AP5M1: variants seen among roughly 807,000 people sequenced by gnomAD.
AP5M1 encodes adaptor related protein complex 5 subunit mu 1, also known as AP-5 complex subunit mu-1.
AP5M1 carries 44 observed loss-of-function variants against 52.3 expected under a neutral mutation model. The ratio of observed to expected loss-of-function variants is 0.84; its 90% CI spans 0.66 to 1.08. The LOEUF (loss-of-function observed/expected upper bound fraction) is 1.08, where lower values mean the gene tolerates loss of function less well. Ranked by LOEUF, AP5M1 falls within the 50% of genes least tolerant of loss-of-function variation. The pLI is 0.00. For synonymous variants in AP5M1, 213 were observed against 199.0 expected (o/e 1.07, Z -0.59); for missense variants, 526 against 568.4 (o/e 0.93, Z 0.76).
intron 7 of AP5M1, chr14:57,286,629 G>A: frequency 4.8e-6 from 1 of 206,466 alleles, no homozygotes; most frequent in Non-Finnish European, 9.7e-6. Context: ...GACAGACAGG[G>A]CTTAAGCCTG....
In AP5M1 at chr14:57,269,202, C is replaced by A; in HGVS notation, c.-113C>A. The A allele has an allele frequency of 2.0e-6, 2 of 1,003,804 alleles. No individual in the cohort carries two copies. The highest frequency in any genetic ancestry group is 3.0e-6 in the Non-Finnish European group (2 of 661,220). 62.2% of individuals were successfully genotyped at this position (1,003,804 alleles called of 1,614,324 possible). A position where few individuals can be genotyped will look rare whatever the true frequency, so the allele number is the denominator to read the frequency against. ...TCTGCTGAGCGCGACCGGTATGCGG[C>A]GCAGGATGAGCCTCAGGGCTTCTGT... On this transcript the variant is annotated 5_prime_UTR_variant, in exon 1 of 8. Coordinates refer to ENST00000261558, the MANE Select transcript of AP5M1 (RefSeq NM_018229.4).
chr14:57,273,604 TA>T, intron 1 of AP5M1: 1 of 603,740 alleles, frequency 1.7e-6, no homozygotes, highest in South Asian at 2.1e-5. Context: ...CAACTCAGAA[TA>T]TGCAAAAACA....
At position 57,274,753 on chromosome 14, in the gene AP5M1, AGC is replaced by A; in HGVS notation, c.585_586del (p.Gln195HisfsTer20). 6.2e-7 allele frequency: 1 copy of A among 1,614,218 alleles called. No homozygotes were observed. The highest frequency in any genetic ancestry group is 8.5e-7 in the Non-Finnish European group (1 of 1,180,024). On this transcript the variant is annotated frameshift_variant, in exon 2 of 8. Transcript: ENST00000261558. LOFTEE classifies it high-confidence loss of function. ...GCATCTGTGACTCAGCCACAGAAAC[AGC>A]CAGCTTGGAAAACTGGGACGTACAA...
rs2139701128 is a variant in AP5M1 at position 57,291,680 on chromosome 14, A to G, written c.*2796A>G. 1 of 151,942 alleles carries G rather than the reference A, an allele frequency of 6.6e-6. No homozygotes were observed. The highest frequency in any genetic ancestry group is 1.5e-5 in the Non-Finnish European group (1 of 67,834). The allele number at this position is 151,942 out of a possible 1,614,324, so 9.4% of individuals were successfully genotyped here. A position where few individuals can be genotyped will look rare whatever the true frequency, so the allele number is the denominator to read the frequency against. On this transcript the variant is annotated 3_prime_UTR_variant, in exon 8 of 8. Coordinates refer to ENST00000261558, the MANE Select transcript of AP5M1 (RefSeq NM_018229.4). The stretch of plus-strand genomic sequence containing the variant: ...AATCGTTTTCATTTTTTTCACACCA[A>G]TTCAGTATTTCTACTAGGTTAAAAT...
chr14:57,275,104 C>T, intron 2 of AP5M1: 1 of 579,064 alleles, frequency 1.7e-6, no homozygotes, highest in Non-Finnish European at 3.0e-6. Context: ...TCATTGTCCC[C>T]AAAATAGACA....
Position 57,283,962 on chromosome 14 carries a change from G to C in AP5M1, c.1293+732G>C, listed in dbSNP as rs554496304. On this transcript the variant is annotated intron_variant, in intron 6 of 7. Transcript: ENST00000261558. ...TGATTGTGCCACTGCATTCCAGCCT[G>C]GGCGATAGAGTAAGACTCTGTCTCA... is the stretch of plus-strand genomic sequence containing the variant. 2.0e-5 allele frequency among the ~76,000 whole-genome samples: 3 copies of C among 152,296 alleles called. No individual in the cohort carries two copies. In the East Asian group the frequency reaches 5.8e-4, roughly 29 times the overall value.
intron 2 of AP5M1, among the ~76,000 whole-genome samples, chr14:57,279,726 A>C (rs1299293151): frequency 6.6e-6 from 1 of 152,210 alleles, no homozygotes; most frequent in Non-Finnish European, 1.5e-5. Context: ...ACAGTCAAAC[A>C]ATGAAAGGCT....
chr14:57,291,747 G>A lies in AP5M1; in HGVS notation c.*2863G>A, dbSNP rs1404822186. 1 of 151,624 alleles carries A rather than the reference G, an allele frequency of 6.6e-6. No homozygotes were observed. Among genetic ancestry groups the A allele is most frequent in the African/African-American group, 2.4e-5 (1 of 41,302 alleles). 9.4% of individuals were successfully genotyped at this position (151,624 alleles called of 1,614,324 possible). A position where few individuals can be genotyped will look rare whatever the true frequency, so the allele number is the denominator to read the frequency against. ...ATTGTATGATTTAAGATCTTTCAAG[G>A]CAGACATTTATACTTGGTAACAATT... On this transcript the variant is annotated 3_prime_UTR_variant, in exon 8 of 8. Transcript: ENST00000261558.
chr14:57,289,079 G>GT lies in AP5M1; in HGVS notation c.*197dup, dbSNP rs1030503989. 4 of 372,468 alleles carry GT rather than the reference G, an allele frequency of 1.1e-5. No homozygotes were observed. The highest frequency in any genetic ancestry group is 4.9e-5 in the Admixed American group (1 of 20,354). The allele number at this position is 372,468 out of a possible 1,614,324, so 23.1% of individuals were successfully genotyped here. ...TTTAAAAGCTAATGTCTCCAATTTT[G>GT]TTAACCTTCGATTTTATGCCAGTAT... On this transcript the variant is annotated 3_prime_UTR_variant, in exon 8 of 8. Coordinates refer to ENST00000261558, the MANE Select transcript of AP5M1 (RefSeq NM_018229.4).
intron 1 of AP5M1, 132 bp downstream of exon 1, chr14:57,269,520 C>T (rs878887169): frequency 1.3e-6 from 1 of 745,254 alleles, no homozygotes; most frequent in Admixed American, 2.4e-5. Flanking sequence ...TAACAGACCT[C>T]TGTTTCGTCT....
chr14:57,289,089 G>A lies in AP5M1; in HGVS notation c.*205G>A, dbSNP rs1374320075. 2.2e-5 allele frequency: 8 copies of A among 367,160 alleles called. No individual in the cohort carries two copies. Among genetic ancestry groups the A allele is most frequent in the Non-Finnish European group, 3.4e-5 (7 of 203,322 alleles). The allele number at this position is 367,160 out of a possible 1,614,324, so 22.7% of individuals were successfully genotyped here. ...AATGTCTCCAATTTTGTTAACCTTC[G>A]ATTTTATGCCAGTATAATTCAGAAC... is the stretch of plus-strand genomic sequence containing the variant. On this transcript the variant is annotated 3_prime_UTR_variant, in exon 8 of 8. Transcript: ENST00000261558.
At position 57,288,944 on chromosome 14, in the gene AP5M1, A is replaced by G. The variant is rs560451800; in HGVS notation, c.*60A>G. ...ACAGTTTAAAGAAAATCATAATCTT[A>G]TATTTTTAATGTGGATGCATATAAC... On this transcript the variant is annotated 3_prime_UTR_variant, in exon 8 of 8. Coordinates refer to ENST00000261558, the MANE Select transcript of AP5M1 (RefSeq NM_018229.4). 1.3e-5 allele frequency: 14 copies of G among 1,055,002 alleles called. No homozygotes were observed. In the South Asian group the frequency reaches 1.6e-4, roughly 12 times the overall value. 65.4% of individuals were successfully genotyped at this position (1,055,002 alleles called of 1,614,324 possible).
chr14:57,273,960 T>G (rs1225965333), intron 1 of AP5M1, among the ~76,000 whole-genome samples: 1 of 152,188 alleles, frequency 6.6e-6, no homozygotes, highest in Non-Finnish European at 1.5e-5. Context: ...GAGACACGGA[T>G]TTTGAATTAC....
At chr14:57,271,508 C>T (rs950765627) in intron 1 of AP5M1, 1 of 152,136 alleles carries the variant, frequency 6.6e-6, no homozygotes, top group African/African-American at 2.4e-5. Context: ...CATGTCTTGT[C>T]CTTTTTTTCT....
At chr14:57,276,824 GA>G (rs1159908277) in intron 2 of AP5M1, among the ~76,000 whole-genome samples, 1 of 152,120 alleles carries the variant, frequency 6.6e-6, no homozygotes, top group Non-Finnish European at 1.5e-5. Flanking sequence ...TAAGTGGGGA[GA>G]AAATGGGGCT....
In AP5M1 at chr14:57,293,084, T is replaced by C. The variant is rs990527584; in HGVS notation, c.*4200T>C. The C allele has an allele frequency of 3.3e-5, 5 of 151,746 alleles. No homozygotes were observed. Among genetic ancestry groups the C allele is most frequent in the African/African-American group, 1.2e-4 (5 of 41,384 alleles). 9.4% of individuals were successfully genotyped at this position (151,746 alleles called of 1,614,324 possible). A position where few individuals can be genotyped will look rare whatever the true frequency, so the allele number is the denominator to read the frequency against. On this transcript the variant is annotated 3_prime_UTR_variant, in exon 8 of 8. Coordinates refer to ENST00000261558, the MANE Select transcript of AP5M1 (RefSeq NM_018229.4). The stretch of plus-strand genomic sequence containing the variant: ...CATAATTTTAAATTTTGAAATATTA[T>C]ATGGAATTTTGCACAGTATTTTGAG...
intron 1 of AP5M1, among the ~76,000 whole-genome samples, chr14:57,271,961 A>G (rs185771613): frequency 7.2e-4 from 110 of 152,356 alleles, no homozygotes; most frequent in African/African-American, 2.4e-3. Context: ...GTCCCCTCAT[A>G]TAAATGTTGG....
intron 2 of AP5M1, among the ~76,000 whole-genome samples, chr14:57,275,730 G>A (rs888262873): frequency 1.3e-5 from 2 of 152,160 alleles, no homozygotes; most frequent in Non-Finnish European, 2.9e-5. Flanking sequence ...AAATCATGTT[G>A]AAGGGCTCTT....
intron 4 of AP5M1, 60 bp from the exon 5 acceptor site, chr14:57,282,874 A>G: frequency 8.5e-7 from 1 of 1,178,644 alleles, no homozygotes; most frequent in South Asian, 1.5e-5. Context: ...AGTTTGACTT[A>G]GATCTCTTAA....
Sources: gnomAD v4.1 joint callset for allele counts (sites outside exome capture counted in the v4.1 genomes callset) on GRCh38, gnomAD v4.1.1 for gene constraint, MANE v1.5 for transcripts, NCBI Gene and HGNC (gene_info 2026-07-23, HGNC 2026-07-21) for gene names.